NAALADL2: variants seen among roughly 807,000 people sequenced by gnomAD.
NAALADL2 encodes the protein N-acetylated alpha-linked acidic dipeptidase like 2, also known as inactive N-acetylated-alpha-linked acidic dipeptidase-like protein 2.
Under a neutral mutation model 87.2 loss-of-function variants are expected in NAALADL2, and 76 were observed. The ratio of observed to expected loss-of-function variants is 0.87; its 90% CI spans 0.72 to 1.05. The LOEUF (loss-of-function observed/expected upper bound fraction) is 1.05, where lower values mean the gene tolerates loss of function less well. Ranked by LOEUF, NAALADL2 falls within the 50% of genes least tolerant of loss-of-function variation. NAALADL2 has a pLI of 0.00. For missense variants in NAALADL2, 1,089 were observed against 945.8 expected, an observed-to-expected ratio of 1.15 and a Z score of -1.99; for synonymous variants, 354 against 331.0, an observed-to-expected ratio of 1.07 and a Z score of -0.75.
chr3:174,878,399 G>T (rs1457663628), intron 1 of NAALADL2, among the ~76,000 whole-genome samples: 1 of 152,018 alleles, frequency 6.6e-6, no homozygotes, highest in Non-Finnish European at 1.5e-5. Context: ...CTGACAAAAT[G>T]TATGGCCTAG....
At chr3:175,158,911 AAG>A (rs1732720621) in intron 2 of NAALADL2, among the ~76,000 whole-genome samples, 1 of 152,142 alleles carries the variant, frequency 6.6e-6, no homozygotes, top group Non-Finnish European at 1.5e-5. Flanking sequence ...AGATTATAAA[AAG>A]AAAATTTACT....
At chr3:174,880,074 C>T (rs1365761838) in intron 1 of NAALADL2, among the ~76,000 whole-genome samples, 1 of 152,006 alleles carries the variant, frequency 6.6e-6, no homozygotes, top group Non-Finnish European at 1.5e-5. Context: ...CCCCGGGGCT[C>T]AACCCATGAT....
At position 174,743,359 on chromosome 3, in the gene NAALADL2, G is replaced by A. The variant is rs79932981; in HGVS notation, c.-9+5613G>A. 1.6e-4 allele frequency among the ~76,000 whole-genome samples: 24 copies of A among 151,836 alleles called. No homozygotes were observed. The East Asian group carries it at 4.6e-3, about 29-fold the overall frequency. ...ATACCATTGTAAGTGAAACCTCTCT[G>A]TTTCTGAGAAAACGGTCTTAAAGCA... is the stretch of plus-strand genomic sequence containing the variant. On this transcript the variant is annotated intron_variant, in intron 3 of 3. Transcript: ENST00000434257.
intron 1 of NAALADL2, among the ~76,000 whole-genome samples, chr3:174,899,894 A>G (rs763864302): frequency 6.6e-6 from 1 of 152,000 alleles, no homozygotes; most frequent in Non-Finnish European, 1.5e-5. Context: ...AAAAAGTTCT[A>G]TTCCAAAAAG....
chr3:174,450,851 C>T (rs1577938922), intron 1 of NAALADL2, among the ~76,000 whole-genome samples: 1 of 98,236 alleles, frequency 1.0e-5, no homozygotes, highest in African/African-American at 4.1e-5. Context: ...GCCTGGGCAA[C>T]AGAATGAGAC....
At chr3:175,454,594 C>G (rs1722059180) in intron 6 of NAALADL2, among the ~76,000 whole-genome samples, 1 of 152,096 alleles carries the variant, frequency 6.6e-6, no homozygotes, top group South Asian at 2.1e-4. Context: ...ACCAAATTCC[C>G]TTAGGTTGAA....
chr3:175,070,330 T>C (rs1031479328), intron 1 of NAALADL2, among the ~76,000 whole-genome samples: 5 of 151,894 alleles, frequency 3.3e-5, no homozygotes, highest in Non-Finnish European at 7.4e-5. Context: ...CTTGTGGTGA[T>C]TCGGTGAAAT....
chr3:174,479,841 A>G (rs905251588), intron 1 of NAALADL2, among the ~76,000 whole-genome samples: 6 of 152,224 alleles, frequency 3.9e-5, no homozygotes, highest in Admixed American at 6.6e-5. Context: ...TAAAATTAAA[A>G]ACGATGAAAC....
At chr3:175,125,277 C>T (rs1387479755) in intron 2 of NAALADL2, among the ~76,000 whole-genome samples, 1 of 151,862 alleles carries the variant, frequency 6.6e-6, no homozygotes, top group African/African-American at 2.4e-5. Context: ...CATTGTGGGC[C>T]ATTGTAAGTC....
intron 11 of NAALADL2, among the ~76,000 whole-genome samples, chr3:175,628,609 C>CTATGTATATATATATATATATATA (rs10663163): frequency 7.6e-6 from 1 of 132,250 alleles, no homozygotes; most frequent in East Asian, 2.1e-4. Flanking sequence ...AATAATCTCT[C>CTATGTATATATATATATATATATA]TCTCTATGTA....
chr3:175,145,723 G>A (rs1470032504), intron 2 of NAALADL2, among the ~76,000 whole-genome samples: 1 of 151,792 alleles, frequency 6.6e-6, no homozygotes, highest in Non-Finnish European at 1.5e-5. Context: ...AAAACTAAAT[G>A]CTTTCTACTA....
Position 175,096,956 on chromosome 3 carries a change from G to A in NAALADL2, c.210G>A (p.Glu70=). ...ACCAATTCCAGCTAGACGGTGCTGA[G>A]AATCAGAACCTAGGGCATTCAGAGA... ...GFDQFQLDGA[E]NQNLGHSETI... Residue 70 remains glutamate (E), a synonymous_variant, in exon 2 of 14, where the codon GAG becomes GAA. Coordinates refer to ENST00000454872, the MANE Select transcript of NAALADL2 (RefSeq NM_207015.3). 1.2e-6 allele frequency: 2 copies of A among 1,613,262 alleles called. No individual in the cohort carries two copies. Among genetic ancestry groups the A allele is most frequent in the South Asian group, 1.1e-5 (1 of 91,056 alleles).
intron 4 of NAALADL2, among the ~76,000 whole-genome samples, chr3:175,282,106 T>C (rs1489160960): frequency 6.6e-6 from 1 of 152,054 alleles, no homozygotes; most frequent in East Asian, 1.9e-4. Context: ...AATTATTTTA[T>C]AATAAATACT....
At chr3:175,316,476 G>T (rs990153967) in intron 4 of NAALADL2, among the ~76,000 whole-genome samples, 1 of 152,168 alleles carries the variant, frequency 6.6e-6, no homozygotes, top group Non-Finnish European at 1.5e-5. Context: ...AGAGAGATAA[G>T]TCAGGAATAG....
chr3:174,715,121 G>T (rs1731058480), intron 2 of NAALADL2, among the ~76,000 whole-genome samples: 2 of 152,214 alleles, frequency 1.3e-5, no homozygotes, highest in South Asian at 4.1e-4. Context: ...TTTTATATAT[G>T]ATTGCTGCCT....
chr3:174,447,162 A>C (rs930523093), intron 1 of NAALADL2, among the ~76,000 whole-genome samples: 1 of 152,214 alleles, frequency 6.6e-6, no homozygotes, highest in Non-Finnish European at 1.5e-5. Flanking sequence ...CATAATTCCT[A>C]CATCAGCCCT....
chr3:174,641,835 C>T lies in NAALADL2; in HGVS notation c.-115+91198C>T, dbSNP rs886877394. ...CAGTGGTTACAGTCATGGCTCACTG[C>T]AGCCTCAACCTCCCGGGCTCAAGTG... On this transcript the variant is annotated intron_variant, in intron 2 of 3. Coordinates refer to the NAALADL2 transcript ENST00000434257. Among the ~76,000 whole-genome samples the T allele has an allele frequency of 2.4e-4, 36 of 152,172 alleles. 1 individual carries two copies. The highest frequency in any genetic ancestry group is 1.9e-4 in the Non-Finnish European group (13 of 68,032).
At chr3:175,078,754 A>G (rs1045800527) in intron 1 of NAALADL2, among the ~76,000 whole-genome samples, 1 of 152,190 alleles carries the variant, frequency 6.6e-6, no homozygotes. Flanking sequence ...ATTTTTTACT[A>G]TGTATCAGTA....
At chr3:175,787,571 C>T (rs9874889) in intron 13 of NAALADL2, among the ~76,000 whole-genome samples, 2,719 of 152,236 alleles carry the variant, frequency 0.018, 82 homozygotes, top group Admixed American at 0.061. Context: ...TGCTTCGGCT[C>T]GCGCACGGTG....
Sources: gnomAD v4.1 joint callset for allele counts (sites outside exome capture counted in the v4.1 genomes callset) on GRCh38, gnomAD v4.1.1 for gene constraint, MANE v1.5 for transcripts, NCBI Gene and HGNC (gene_info 2026-07-23, HGNC 2026-07-21) for gene names.